The following ARHGAP39 variants were observed in gnomAD, a reference collection of about 807,000 sequenced individuals.
ARHGAP39 encodes the protein rho GTPase-activating protein 39.
ARHGAP39 carries 44 observed loss-of-function variants against 106.9 expected under a neutral mutation model. That is an observed-to-expected ratio of 0.41 (90% confidence interval 0.32 to 0.53). ARHGAP39 has a LOEUF of 0.53. Among genes scored for constraint, ARHGAP39 ranks in the 20% least tolerant of loss-of-function variants. ARHGAP39 has a pLI of 0.21. For synonymous variants in ARHGAP39, 768 were observed against 693.2 expected, an observed-to-expected ratio of 1.11 and a Z score of -1.69; for missense variants, 1,496 against 1,577.3, an observed-to-expected ratio of 0.95 and a Z score of 0.87.
At chr8:144,682,278 G>C (rs1244478843) in intron 1 of ARHGAP39, among the ~76,000 whole-genome samples, 1 of 136,914 alleles carries the variant, frequency 7.3e-6, no homozygotes. Flanking sequence ...GGCCGGGCGC[G>C]GTGGCTCACT....
intron 1 of ARHGAP39, among the ~76,000 whole-genome samples, chr8:144,664,110 T>G (rs901293677): frequency 5.3e-5 from 8 of 152,144 alleles, no homozygotes; most frequent in Non-Finnish European, 7.4e-5. Context: ...GAGGCTGCAG[T>G]GAGCTGAGAT....
chr8:144,536,275 C>A (rs759600952), intron 7 of ARHGAP39, among the ~76,000 whole-genome samples: 1 of 152,140 alleles, frequency 6.6e-6, no homozygotes, highest in Non-Finnish European at 1.5e-5. Context: ...CTACTCTGCT[C>A]GGGGGCCAGG....
In ARHGAP39 at chr8:144,551,160, C is replaced by T. The variant is rs148543407; in HGVS notation, c.597-2671G>A. On this transcript the variant is annotated intron_variant, in intron 4 of 11. Transcript: ENST00000377307. ...ACGGTCCCAGCACAGGGTGCCCTGT[C>T]GTGGCCCCAGGGAGGCGCCTTTCTG... 3.8e-3 allele frequency among the ~76,000 whole-genome samples: 561 copies of T among 149,052 alleles called. 4 individuals carry two copies. The highest frequency in any genetic ancestry group is 0.01 in the Middle Eastern group (3 of 292).
Position 144,545,359 on chromosome 8 carries a change from C to A in ARHGAP39, c.2411G>T (p.Gly804Val). 6.3e-7 allele frequency: 1 copy of A among 1,599,384 alleles called. No individual in the cohort carries two copies. Among genetic ancestry groups the A allele is most frequent in the Non-Finnish European group, 8.5e-7 (1 of 1,170,454 alleles). ...CAGGCAGATGGCCATGAGCTCCCAG[C>A]CGCGGGCCAGGCTCTCCAGGCGGAA... ...ENFRLESLAR[G>V]WELMAICLAF... Residue 804 changes from glycine (G) to valine (V), a missense_variant, in exon 6 of 12, where the codon GGC (glycine) becomes GTC (valine). Physicochemically the swap from Gly to Val is moderately radical, Grantham distance 109. Transcript: ENST00000377307.
intron 1 of ARHGAP39, among the ~76,000 whole-genome samples, 117 bp downstream of exon 1, chr8:144,685,569 C>T (rs1436884862): frequency 6.7e-6 from 1 of 148,836 alleles, no homozygotes; most frequent in Non-Finnish European, 1.5e-5. Context: ...GGATTCCTTG[C>T]GCTGCCGGGC....
intron 2 of ARHGAP39, among the ~76,000 whole-genome samples, chr8:144,599,819 C>G (rs1425731864): frequency 2.0e-5 from 3 of 152,128 alleles, no homozygotes; most frequent in African/African-American, 7.2e-5. Context: ...TGAACCCTGG[C>G]TTTTTTTAGT....
In ARHGAP39 at chr8:144,562,218, T is replaced by A. The variant is rs369712727; in HGVS notation, c.513-6575A>T. ...TTCCATCGGGCTCCAGTGGTTTCCA[T>A]TGGACTCACCCCAGTGGTTTCCATC... On this transcript the variant is annotated intron_variant, in intron 3 of 11. Transcript: ENST00000377307. Among the ~76,000 whole-genome samples the A allele has an allele frequency of 1.3e-5, 2 of 151,506 alleles. 1 individual carries two copies. The highest frequency in any genetic ancestry group is 1.3e-4 in the Admixed American group (2 of 15,254).
In ARHGAP39 at chr8:144,530,296, CCTGGGGG is replaced by C; in HGVS notation, c.*119_*125del. On this transcript the variant is annotated 3_prime_UTR_variant, in exon 12 of 12. Transcript: ENST00000377307. ...ACGTGGGGAGCGCCGGGGCCAGGGG[CCTGGGGG>C]AGTGGAGGGGGCTCCAGGGCTGGGC... is the stretch of plus-strand genomic sequence containing the variant. 1 of 1,058,770 alleles carries C rather than the reference CCTGGGGG, an allele frequency of 9.4e-7. No homozygotes were observed. Among genetic ancestry groups the C allele is most frequent in the South Asian group, 1.6e-5 (1 of 63,576 alleles). The allele number at this position is 1,058,770 out of a possible 1,614,324, so 65.6% of individuals were successfully genotyped here.
intron 1 of ARHGAP39, among the ~76,000 whole-genome samples, chr8:144,659,025 G>GGT (rs1821762684): frequency 6.6e-6 from 1 of 152,034 alleles, no homozygotes; most frequent in African/African-American, 2.4e-5. Flanking sequence ...ACAGGGTTAG[G>GGT]GTGTAATAGC....
rs143084023 is a variant in ARHGAP39, at chr8:144,646,249, G to A, written c.-82+39437C>T. ...AAACGTGTTCAACAGGGAAGAGCAC[G>A]TATGGACCAGGCCAACAGGGGGCCC... On this transcript the variant is annotated intron_variant, in intron 1 of 11. Transcript: ENST00000377307. This position sits in a 1 kb window ranked among gnomAD's most constrained non-coding sequence, Gnocchi z 5.7. Among the ~76,000 whole-genome samples the A allele has an allele frequency of 3.3e-5, 5 of 152,286 alleles. No homozygotes were observed. The highest frequency in any genetic ancestry group is 4.8e-5 in the African/African-American group (2 of 41,562).
rs1586888299 is a variant in ARHGAP39, at chr8:144,547,030, C to T, written c.1959+97G>A. ...CAGAACTCTGCGTGCTGCGTGCACG[C>T]CCTGGACGCCAGGTCTCCTGTGCCT... On this transcript the variant is annotated intron_variant, in intron 5 of 11. Transcript: ENST00000377307. The surrounding 1 kb of genome is among the most constrained non-coding windows in gnomAD (Gnocchi z 5.2). 2 of 1,399,896 alleles carry T rather than the reference C, an allele frequency of 1.4e-6. No homozygotes were observed. Among genetic ancestry groups the T allele is most frequent in the South Asian group, 1.5e-5 (1 of 66,720 alleles). The allele number at this position is 1,399,896 out of a possible 1,614,324, so 86.7% of individuals were successfully genotyped here.
chr8:144,539,315 C>T (rs373773892), intron 6 of ARHGAP39, among the ~76,000 whole-genome samples: 41 of 152,332 alleles, frequency 2.7e-4, no homozygotes, highest in Middle Eastern at 3.4e-3. Context: ...ATTCCACTAC[C>T]GCCGACAGTC....
chr8:144,537,690 C>G (rs199926011), intron 7 of ARHGAP39, 31 bp downstream of exon 7: 42 of 1,602,278 alleles, frequency 2.6e-5, no homozygotes, highest in Admixed American at 2.0e-4. Context: ...GTGCAGACGC[C>G]GCGCCCAGGG....
chr8:144,685,868 C>T (rs1822577470), upstream of ARHGAP39, among the ~76,000 whole-genome samples: 1 of 149,018 alleles, frequency 6.7e-6, no homozygotes, highest in African/African-American at 2.4e-5. Flanking sequence ...GTCCTCCCGT[C>T]ACCAAGCGCA....
intron 2 of ARHGAP39, among the ~76,000 whole-genome samples, chr8:144,599,859 G>A (rs1173617974): frequency 6.6e-6 from 1 of 152,200 alleles, no homozygotes; most frequent in African/African-American, 2.4e-5. Flanking sequence ...AATGGGTGAA[G>A]CAATTCTGAA....
At chr8:144,577,725 C>CCA (rs1818828032) in intron 3 of ARHGAP39, among the ~76,000 whole-genome samples, 1 of 152,152 alleles carries the variant, frequency 6.6e-6, no homozygotes, top group Non-Finnish European at 1.5e-5. Context: ...TTTCCATACA[C>CCA]CACAATGGAC....
In ARHGAP39 at chr8:144,591,888, G is replaced by A. The variant is rs146470953; in HGVS notation, c.81-10611C>T. ...CGCCTCGTCGCCTCGTGCCTGCGGGGAGTGCTGCCTGTGGGGAGTGGTGCC... is the reference window on the plus strand; with the variant it reads ...CGCCTCGTCGCCTCGTGCCTGCGGGAAGTGCTGCCTGTGGGGAGTGGTGCC... On this transcript the variant is annotated intron_variant, in intron 2 of 11. Coordinates refer to ENST00000377307, the MANE Select transcript of ARHGAP39 (RefSeq NM_025251.3). This position sits in a 1 kb window ranked among gnomAD's most constrained non-coding sequence, Gnocchi z 5.3. Among the ~76,000 whole-genome samples the A allele has an allele frequency of 6.4e-3, 970 of 152,276 alleles. 13 individuals are homozygous for A. Among genetic ancestry groups the A allele is most frequent in the Non-Finnish European group, 7.2e-3 (488 of 68,002 alleles).
chr8:144,558,586 C>A (rs933910690), intron 3 of ARHGAP39, among the ~76,000 whole-genome samples: 1 of 258 alleles, frequency 3.9e-3, no homozygotes, highest in Non-Finnish European at 6.5e-3. Context: ...AGTCACCGCG[C>A]CTGGCCATAA....
At chr8:144,626,993 C>T (rs1053785358) in intron 1 of ARHGAP39, among the ~76,000 whole-genome samples, 1 of 152,210 alleles carries the variant, frequency 6.6e-6, no homozygotes, top group African/African-American at 2.4e-5. Context: ...TTTGTCCCCC[C>T]TGGGGAGAGG....
Sources: allele counts gnomAD v4.1 joint callset (sites outside exome capture counted in the v4.1 genomes callset), GRCh38; gene constraint gnomAD v4.1.1; non-coding constraint Gnocchi (gnomAD v3.1); transcripts MANE v1.5; gene names NCBI Gene and HGNC (gene_info 2026-07-23, HGNC 2026-07-21).